PRKG1: variants seen among roughly 807,000 people sequenced by gnomAD.
PRKG1 encodes the protein cGMP-dependent protein kinase 1.
PRKG1 carries 35 observed loss-of-function variants against 88.1 expected under a neutral mutation model. That is an observed-to-expected ratio of 0.40 (90% CI 0.30 to 0.53). PRKG1 has a LOEUF of 0.53. Among genes scored for constraint, PRKG1 ranks in the 20% least tolerant of loss-of-function variants. The pLI, the probability that PRKG1 is intolerant of heterozygous loss-of-function variation, is 0.59. For synonymous variants in PRKG1, 303 were observed against 292.5 expected (o/e 1.04, Z -0.37); for missense variants, 540 against 839.8 (o/e 0.64, Z 4.41).
intron 3 of PRKG1, among the ~76,000 whole-genome samples, chr10:51,571,595 G>T (rs1014006713): frequency 2.6e-5 from 4 of 151,788 alleles, no homozygotes; most frequent in African/African-American, 9.7e-5. Context: ...CGAGCTCTTG[G>T]GTACAGGCAG....
At chr10:51,590,816 G>T (rs567618837) in intron 3 of PRKG1, among the ~76,000 whole-genome samples, 2 of 152,018 alleles carry the variant, frequency 1.3e-5, no homozygotes, top group Admixed American at 6.6e-5. Context: ...TTCGATATGG[G>T]GGGGGTGGGG....
intron 3 of PRKG1, among the ~76,000 whole-genome samples, chr10:51,493,588 G>A (rs1225288875): frequency 6.6e-6 from 1 of 152,114 alleles, no homozygotes; most frequent in Admixed American, 6.5e-5. Flanking sequence ...AATGAGTCAA[G>A]ATTCTTCGCT....
rs185635310 is a variant in PRKG1 at position 51,702,296 on chromosome 10, C to T, written c.593-102289C>T. ...CTAGAAGAATGGTTTGTCATGCCCC[C>T]GTTCATACAGGACCAGTGTGACCCA... On this transcript the variant is annotated intron_variant, in intron 3 of 17. Transcript: ENST00000373980. 6.1e-4 allele frequency among the ~76,000 whole-genome samples: 93 copies of T among 152,238 alleles called. 1 individual carries two copies. The South Asian group carries it at 0.015, about 24-fold the overall frequency.
chr10:51,270,251 G>T (rs191748356), intron 2 of PRKG1, among the ~76,000 whole-genome samples: 1 of 152,220 alleles, frequency 6.6e-6, no homozygotes, highest in East Asian at 1.9e-4. Flanking sequence ...GAAATATTTA[G>T]GGTGGCTAAA....
At chr10:52,197,179 CA>C (rs1839527593) in intron 9 of PRKG1, among the ~76,000 whole-genome samples, 1 of 151,984 alleles carries the variant, frequency 6.6e-6, no homozygotes, top group East Asian at 1.9e-4. Context: ...GTTAAGTAAT[CA>C]GTGTTAGATC....
rs561215655 is a variant in PRKG1 at position 51,860,903 on chromosome 10, C to T, written c.699-46604C>T. 5.9e-5 allele frequency among the ~76,000 whole-genome samples: 9 copies of T among 152,172 alleles called. No homozygotes were observed. The South Asian group carries it at 1.9e-3, about 32-fold the overall frequency. On this transcript the variant is annotated intron_variant, in intron 4 of 17. Coordinates refer to ENST00000373980, the MANE Select transcript of PRKG1 (RefSeq NM_006258.4). ...TTCAGCTCAGTAGCTGAATAGAAAG[C>T]TGGAGTAAATTTCAAAGAACCAAAG...
chr10:51,113,016 A>G (rs573682708), intron 1 of PRKG1, among the ~76,000 whole-genome samples: 1 of 152,322 alleles, frequency 6.6e-6, no homozygotes, highest in South Asian at 2.1e-4. Context: ...TTTTGATTCA[A>G]CAGCTACCAA....
chr10:51,290,607 A>G (rs1184459000), intron 2 of PRKG1, among the ~76,000 whole-genome samples: 3 of 152,160 alleles, frequency 2.0e-5, no homozygotes, highest in Admixed American at 6.6e-5. Context: ...AGTTTCTCTT[A>G]TTCCTGAGTA....
chr10:51,395,619 A>G (rs1837556693), intron 2 of PRKG1, among the ~76,000 whole-genome samples: 1 of 152,208 alleles, frequency 6.6e-6, no homozygotes, highest in African/African-American at 2.4e-5. Context: ...TTAAAATAAG[A>G]TAAAATTGAT....
intron 4 of PRKG1, among the ~76,000 whole-genome samples, chr10:51,837,223 G>T (rs1840154852): frequency 6.6e-6 from 1 of 152,080 alleles, no homozygotes; most frequent in Non-Finnish European, 1.5e-5. Flanking sequence ...TGCTCCGAGG[G>T]TAGAACTTGC....
chr10:51,492,606 T>G (rs996008370), intron 3 of PRKG1, among the ~76,000 whole-genome samples: 5 of 152,154 alleles, frequency 3.3e-5, no homozygotes, highest in African/African-American at 1.2e-4. Context: ...TACATAAGCA[T>G]GTAAATTTCT....
chr10:51,626,876 G>A (rs1564579078), intron 3 of PRKG1, among the ~76,000 whole-genome samples: 1 of 152,084 alleles, frequency 6.6e-6, no homozygotes, highest in Non-Finnish European at 1.5e-5. Flanking sequence ...AAGGCTAGAT[G>A]TTAAATTTTT....
rs1182998088 is a variant in PRKG1, at chr10:50,991,753, G to T, written c.266+109G>T. The T allele has an allele frequency of 8.9e-5, 76 of 856,630 alleles. No individual in the cohort carries two copies. Among genetic ancestry groups the T allele is most frequent in the African/African-American group, 1.3e-4 (7 of 54,134 alleles). 53.1% of individuals were successfully genotyped at this position (856,630 alleles called of 1,614,324 possible). A position where few individuals can be genotyped will look rare whatever the true frequency, so the allele number is the denominator to read the frequency against. ...GGTCGGCCCAGGGCGCCCCCTGCTC[G>T]CTGCGGCGCGCGGAGTGGGGGTGGC... On this transcript the variant is annotated intron_variant, in intron 1 of 17. Coordinates refer to the PRKG1 transcript ENST00000401604. This position sits in a 1 kb window ranked among gnomAD's most constrained non-coding sequence, Gnocchi z 4.5.
At chr10:52,129,570 G>A (rs1161681363) in intron 7 of PRKG1, among the ~76,000 whole-genome samples, 1 of 152,138 alleles carries the variant, frequency 6.6e-6, no homozygotes, top group Non-Finnish European at 1.5e-5. Context: ...CCCTCTTAGA[G>A]AGCTACAAGC....
chr10:52,077,009 A>T (rs11000710), intron 7 of PRKG1, among the ~76,000 whole-genome samples: 32,323 of 148,310 alleles, frequency 0.22, 3,970 homozygotes, highest in South Asian at 0.3. Context: ...TTTTTTTTTT[A>T]AAACTTAAAC....
intron 17 of PRKG1, among the ~76,000 whole-genome samples, chr10:52,292,857 G>A (rs1457203631): frequency 6.6e-6 from 1 of 151,890 alleles, no homozygotes; most frequent in Non-Finnish European, 1.5e-5. Context: ...GCACAAGACA[G>A]GGATGCCCTC....
chr10:52,130,672 GAAC>G (rs1837228699), intron 7 of PRKG1, among the ~76,000 whole-genome samples: 1 of 152,084 alleles, frequency 6.6e-6, no homozygotes, highest in Admixed American at 6.6e-5. Context: ...ATGCTGCCAT[GAAC>G]AACTAAGAAA....
intron 3 of PRKG1, among the ~76,000 whole-genome samples, chr10:51,682,108 A>G (rs1840865766): frequency 1.3e-5 from 2 of 152,172 alleles, no homozygotes; most frequent in South Asian, 4.1e-4. Context: ...ACCAGATAAA[A>G]TCCTGATACC....
chr10:51,092,122 T>TTA, intron 1 of PRKG1, among the ~76,000 whole-genome samples: 2 of 152,228 alleles, frequency 1.3e-5, no homozygotes, highest in Middle Eastern at 6.8e-3. Context: ...TAAGCACTGA[T>TTA]CCCTGAGGTG....
Sources: gnomAD v4.1 joint callset for allele counts (sites outside exome capture counted in the v4.1 genomes callset) on GRCh38, gnomAD v4.1.1 for gene constraint, Gnocchi (gnomAD v3.1) non-coding constraint, MANE v1.5 for transcripts, NCBI Gene and HGNC (gene_info 2026-07-23, HGNC 2026-07-21) for gene names.